Variants in RAB27B observed in about 807,000 individuals in gnomAD.
The protein encoded by RAB27B is ras-related protein Rab-27B.
A neutral mutation model predicts 24.6 loss-of-function variants in RAB27B; 15 were observed. That is an observed-to-expected ratio of 0.61 (90% CI 0.41 to 0.94). RAB27B has a LOEUF of 0.94. Among genes scored for constraint, RAB27B ranks in the 40% least tolerant of loss-of-function variants. The pLI, the probability that RAB27B is intolerant of heterozygous loss-of-function variation, is 0.00. For missense variants in RAB27B, 261 were observed against 266.8 expected (o/e 0.98, Z 0.15); for synonymous variants, 105 against 92.5 (o/e 1.14, Z -0.78).
chr18:54,804,228 C>A (rs1909696571), intron 2 of RAB27B, among the ~76,000 whole-genome samples: 1 of 152,216 alleles, frequency 6.6e-6, no homozygotes, highest in Non-Finnish European at 1.5e-5. Flanking sequence ...GAAGGACATT[C>A]AACCAAATAA....
chr18:54,759,652 A>G (rs77619940), intron 2 of RAB27B, among the ~76,000 whole-genome samples: 3,088 of 152,258 alleles, frequency 0.02, 100 homozygotes, highest in African/African-American at 0.07. Context: ...TTCCCATTCA[A>G]ATGCGCTGTT....
At chr18:54,733,656 C>CCA (rs1555651344) in intron 2 of RAB27B, among the ~76,000 whole-genome samples, 1 of 134,040 alleles carries the variant, frequency 7.5e-6, no homozygotes, top group Non-Finnish European at 1.7e-5. Flanking sequence ...TAGAGCCCCC[C>CCA]CCCCCCAAAT....
At chr18:54,810,413 A>C (rs939268298) in intron 2 of RAB27B, among the ~76,000 whole-genome samples, 22 of 152,224 alleles carry the variant, frequency 1.4e-4, no homozygotes, top group Non-Finnish European at 3.1e-4. Context: ...TAATTTACAT[A>C]AAAGAGTAAA....
chr18:54,881,229 G>T (rs879485186), intron 3 of RAB27B, among the ~76,000 whole-genome samples: 1 of 152,120 alleles, frequency 6.6e-6, no homozygotes, highest in Non-Finnish European at 1.5e-5. Context: ...ATTGCAAATC[G>T]ACTTGCAGGG....
At chr18:54,726,205 G>A (rs908845323) in intron 2 of RAB27B, among the ~76,000 whole-genome samples, 4 of 151,366 alleles carry the variant, frequency 2.6e-5, no homozygotes, top group African/African-American at 7.3e-5. Flanking sequence ...ATAGCCTATC[G>A]TATTTTAAAT....
At position 54,849,267 on chromosome 18, in the gene RAB27B, C is replaced by A. The variant is rs2145214587; in HGVS notation, c.-20+20567C>A. Among the ~76,000 whole-genome samples the A allele has an allele frequency of 2.0e-5, 3 of 152,350 alleles. No homozygotes were observed. In the South Asian group the frequency reaches 6.2e-4, roughly 32 times the overall value. On this transcript the variant is annotated intron_variant, in intron 1 of 5. Coordinates refer to ENST00000262094, the MANE Select transcript of RAB27B (RefSeq NM_004163.4). ...CGACATTGGTTGGAGATCCTGCCAA[C>A]TATCCAGGGAGCCTGTGGATCTCTT... is the stretch of plus-strand genomic sequence containing the variant.
intron 2 of RAB27B, among the ~76,000 whole-genome samples, chr18:54,729,865 A>T (rs1909673667): frequency 6.6e-6 from 1 of 152,194 alleles, no homozygotes; most frequent in African/African-American, 2.4e-5. Flanking sequence ...ACAAAAAAAA[A>T]ATGTTGAAAG....
At chr18:54,801,859 T>G (rs1010382141) in intron 2 of RAB27B, among the ~76,000 whole-genome samples, 1 of 152,200 alleles carries the variant, frequency 6.6e-6, no homozygotes, top group Non-Finnish European at 1.5e-5. Context: ...TGGAGGTCAC[T>G]TTTTGCTATC....
chr18:54,879,115 T>C (rs1972596), intron 2 of RAB27B, among the ~76,000 whole-genome samples: 37,212 of 152,128 alleles, frequency 0.24, 5,482 homozygotes, highest in East Asian at 0.33. Context: ...GTTTGCTGCC[T>C]CATGAGGAAA....
chr18:54,868,487 A>G (rs1257476608), intron 1 of RAB27B, among the ~76,000 whole-genome samples: 1 of 152,198 alleles, frequency 6.6e-6, no homozygotes, highest in East Asian at 1.9e-4. Context: ...CTTTATAGCA[A>G]TGCAAGAAAG....
chr18:54,888,494 C>T (rs1255251801), intron 5 of RAB27B, among the ~76,000 whole-genome samples: 3 of 152,074 alleles, frequency 2.0e-5, no homozygotes, highest in Non-Finnish European at 4.4e-5. Flanking sequence ...GATATCAAAG[C>T]TCATGCTCTT....
At chr18:54,859,987 AC>A (rs1165981238) in intron 1 of RAB27B, among the ~76,000 whole-genome samples, 1 of 152,174 alleles carries the variant, frequency 6.6e-6, no homozygotes, top group Non-Finnish European at 1.5e-5. Flanking sequence ...GGATTTCTAT[AC>A]CACCTTTGTT....
At chr18:54,836,337 A>G (rs997324504) in intron 1 of RAB27B, among the ~76,000 whole-genome samples, 20 of 151,880 alleles carry the variant, frequency 1.3e-4, no homozygotes, top group African/African-American at 4.9e-4. Flanking sequence ...TCACCCTTTC[A>G]AAGTTCACTT....
At chr18:54,848,406 A>C (rs545944187) in intron 1 of RAB27B, among the ~76,000 whole-genome samples, 1 of 152,278 alleles carries the variant, frequency 6.6e-6, no homozygotes, top group South Asian at 2.1e-4. Flanking sequence ...AAAATCATGG[A>C]ATTTATTCAT....
chr18:54,842,079 C>T lies in RAB27B; in HGVS notation c.-20+13379C>T, dbSNP rs569774852. On this transcript the variant is annotated intron_variant, in intron 1 of 5. Coordinates refer to ENST00000262094, the MANE Select transcript of RAB27B (RefSeq NM_004163.4). ...AGGTCAAATGTCTAATGGCAGAAGA[C>T]GGCTATGTGAGGAATAGCTCTAAAC... Among the ~76,000 whole-genome samples the T allele has an allele frequency of 4.7e-4, 72 of 152,284 alleles. 1 individual carries two copies. Among genetic ancestry groups the T allele is most frequent in the East Asian group, 1.9e-4 (1 of 5,182 alleles).
At chr18:54,769,501 C>A (rs1908477121) in intron 2 of RAB27B, among the ~76,000 whole-genome samples, 1 of 151,718 alleles carries the variant, frequency 6.6e-6, no homozygotes. Flanking sequence ...TTTCTATCCT[C>A]TGCAACAGTA....
chr18:54,735,914 T>C (rs968122486), intron 2 of RAB27B, among the ~76,000 whole-genome samples: 1 of 152,200 alleles, frequency 6.6e-6, no homozygotes, highest in African/African-American at 2.4e-5. Context: ...ATCAGGACCA[T>C]GCCAAACTGG....
upstream of RAB27B, among the ~76,000 whole-genome samples, chr18:54,823,948 C>A (rs1372789992): frequency 6.6e-6 from 1 of 150,998 alleles, no homozygotes; most frequent in Non-Finnish European, 1.5e-5. Flanking sequence ...GGTCTTAATC[C>A]CCACAGGCAA....
At chr18:54,785,898 C>G (rs1909068967) in intron 2 of RAB27B, among the ~76,000 whole-genome samples, 1 of 152,134 alleles carries the variant, frequency 6.6e-6, no homozygotes, top group Non-Finnish European at 1.5e-5. Context: ...TCTTATCTTT[C>G]AGTTGTGACT....
Sources: allele counts gnomAD v4.1 joint callset (sites outside exome capture counted in the v4.1 genomes callset), GRCh38; gene constraint gnomAD v4.1.1; transcripts MANE v1.5; gene names NCBI Gene and HGNC (gene_info 2026-07-23, HGNC 2026-07-21).